Variants in RGP1 observed in about 807,000 individuals in gnomAD.
RGP1 encodes the protein RGP1 partner of RAB6A GEF complex.
Under a neutral mutation model 44.5 loss-of-function variants are expected in RGP1, and 28 were observed. The ratio of observed to expected loss-of-function variants is 0.63; its 90% CI spans 0.47 to 0.86. The LOEUF (loss-of-function observed/expected upper bound fraction) is 0.86. Among genes scored for constraint, RGP1 ranks in the 40% least tolerant of loss-of-function variants. The pLI, the probability that RGP1 is intolerant of heterozygous loss-of-function variation, is 0.00. For missense variants in RGP1, 417 were observed against 490.7 expected (o/e 0.85, Z 1.42); for synonymous variants, 212 against 196.7 (o/e 1.08, Z -0.65).
In RGP1 at chr9:35,750,342, C is replaced by A; in HGVS notation, c.216C>A (p.Val72=). 6.2e-7 allele frequency: 1 copy of A among 1,613,986 alleles called. No individual in the cohort carries two copies. The part of the protein sequence containing the change: ...LPPPDSSQPD[V]QPDSQTVFLP... ...CTCCTGACTCTAGTCAGCCAGATGT[C>A]CAGCCCGACAGCCAGACTGTCTTTC... The change falls in exon 3 of 9, where the codon GTC becomes GTA. Residue 72 remains valine, a synonymous_variant. Transcript: ENST00000378078.
At chr9:35,767,148 G>A in the RGP1 span, among the ~76,000 whole-genome samples, 4 of 152,108 alleles carry the variant, frequency 2.6e-5, no homozygotes, top group African/African-American at 9.7e-5. Flanking sequence ...GGCTGCATAC[G>A]GCCAACTATA....
chr9:35,761,902 C>G (rs1827420700), downstream of RGP1, among the ~76,000 whole-genome samples: 1 of 152,022 alleles, frequency 6.6e-6, no homozygotes, highest in Non-Finnish European at 1.5e-5. Context: ...ACCTGTAATC[C>G]CAGCACTTTG....
chr9:35,749,864 G>A lies in RGP1; in HGVS notation c.109G>A (p.Ala37Thr). 6.2e-7 allele frequency: 1 copy of A among 1,610,412 alleles called. No homozygotes were observed. Among genetic ancestry groups the A allele is most frequent in the East Asian group, 2.2e-5 (1 of 44,830 alleles). ...TNPLPPTATS[A>T]SSEALAWASA... ...CCCCCTTCCGCCCACGGCCACTTCT[G>A]CATCCAGGTGGGGATGCTGGCACTG... The change falls in exon 2 of 9, where the codon GCA (alanine) becomes ACA (threonine). Residue 37 changes from alanine (A) to threonine (T), a missense_variant. By Grantham distance (58) the Ala-to-Thr change is moderately conservative. Transcript: ENST00000378078. The surrounding 1 kb of genome is among the most constrained non-coding windows in gnomAD (Gnocchi z 4.4).
chr9:35,753,299 G>C lies in RGP1; in HGVS notation c.*425G>C, dbSNP rs1054891660. ...CTGGGACCTGGGGAACCAAGGATAG[G>C]GGAAGGAGTCAGCACAGTGAAAGGC... On this transcript the variant is annotated 3_prime_UTR_variant, in exon 9 of 9. Transcript: ENST00000378078. This position sits in a 1 kb window ranked among gnomAD's most constrained non-coding sequence, Gnocchi z 4.2. 1 of 1,610,838 alleles carries C rather than the reference G, an allele frequency of 6.2e-7. No homozygotes were observed. Among genetic ancestry groups the C allele is most frequent in the Admixed American group, 1.7e-5 (1 of 59,994 alleles).
Position 35,753,390 on chromosome 9 carries a change from G to T in RGP1, c.*516G>T. Reference sequence around the variant, plus strand: ...TCCCCCCACAGAGCCCCTTTCAGTGGCCCCTTGGTCCTCCTAACTAAGCTG... The same window carrying T: ...TCCCCCCACAGAGCCCCTTTCAGTGTCCCCTTGGTCCTCCTAACTAAGCTG... On this transcript the variant is annotated 3_prime_UTR_variant, in exon 9 of 9. Coordinates refer to ENST00000378078, the MANE Select transcript of RGP1 (RefSeq NM_001080496.3). This position sits in a 1 kb window ranked among gnomAD's most constrained non-coding sequence, Gnocchi z 4.2. The T allele has an allele frequency of 8.0e-7, 1 of 1,245,548 alleles. No individual in the cohort carries two copies. The highest frequency in any genetic ancestry group is 1.1e-6 in the Non-Finnish European group (1 of 901,522). The allele number at this position is 1,245,548 out of a possible 1,614,324, so 77.2% of individuals were successfully genotyped here.
At chr9:35,782,056 G>A in the RGP1 span, among the ~76,000 whole-genome samples, 5,700 of 142,592 alleles carry the variant, frequency 0.04, 220 homozygotes, top group African/African-American at 0.093. Flanking sequence ...GTGTGATCTC[G>A]GCTCACTGCA....
chr9:35,783,556 CAT>C, the RGP1 span, among the ~76,000 whole-genome samples: 4 of 151,900 alleles, frequency 2.6e-5, no homozygotes, highest in Admixed American at 6.6e-5. Flanking sequence ...TTAGATTCCA[CAT>C]ATGAGTGAGA....
In RGP1 at chr9:35,749,916, C is replaced by T. The variant is rs1307722671; in HGVS notation, c.116+45C>T. 2 of 1,418,650 alleles carry T rather than the reference C, an allele frequency of 1.4e-6. No individual in the cohort carries two copies. The highest frequency in any genetic ancestry group is 9.9e-7 in the Non-Finnish European group (1 of 1,009,672). The allele number at this position is 1,418,650 out of a possible 1,614,324, so 87.9% of individuals were successfully genotyped here. Reference sequence around the variant, plus strand: ...AGGTGGTGGCCCTTCTGGGAAGAAGCCAGATTATCTCTGGGGCTGAGGCAG... The same window carrying T: ...AGGTGGTGGCCCTTCTGGGAAGAAGTCAGATTATCTCTGGGGCTGAGGCAG... On this transcript the variant is annotated intron_variant, in intron 2 of 8. Coordinates refer to ENST00000378078, the MANE Select transcript of RGP1 (RefSeq NM_001080496.3). The surrounding 1 kb of genome is among the most constrained non-coding windows in gnomAD (Gnocchi z 4.4).
the RGP1 span, among the ~76,000 whole-genome samples, chr9:35,789,597 T>G: frequency 2.6e-5 from 4 of 152,194 alleles, no homozygotes; most frequent in African/African-American, 9.7e-5. Flanking sequence ...GTTTAATCCC[T>G]AACATAATGA....
chr9:35,772,631 A>C, the RGP1 span, among the ~76,000 whole-genome samples: 1 of 152,042 alleles, frequency 6.6e-6, no homozygotes, highest in Non-Finnish European at 1.5e-5. Context: ...ATCTCCTAAA[A>C]ATACAAAAAA....
the RGP1 span, among the ~76,000 whole-genome samples, chr9:35,777,366 T>G: frequency 1.3e-5 from 2 of 151,718 alleles, no homozygotes; most frequent in Non-Finnish European, 2.9e-5. Context: ...CCTGACCTCG[T>G]GATCCACCCT....
At chr9:35,777,170 C>T in the RGP1 span, among the ~76,000 whole-genome samples, 2 of 140,804 alleles carry the variant, frequency 1.4e-5, no homozygotes, top group Middle Eastern at 3.3e-3. Context: ...TGCTCTGTCA[C>T]CCAGGCTGGA....
chr9:35,767,123 G>T, the RGP1 span, among the ~76,000 whole-genome samples: 2 of 152,122 alleles, frequency 1.3e-5, no homozygotes, highest in African/African-American at 4.8e-5. Flanking sequence ...GATCTGCAGA[G>T]AAAAGGGAAT....
the RGP1 span, among the ~76,000 whole-genome samples, chr9:35,770,449 C>G: frequency 2.7e-5 from 4 of 147,298 alleles, no homozygotes; most frequent in Non-Finnish European, 5.9e-5. Flanking sequence ...ATTCTTGGCA[C>G]ATAGAAATTG....
chr9:35,759,127 A>G (rs1563975829), downstream of RGP1, among the ~76,000 whole-genome samples: 2 of 152,210 alleles, frequency 1.3e-5, no homozygotes, highest in Non-Finnish European at 2.9e-5. Flanking sequence ...TATCCACTTC[A>G]AACTCTCCCA....
At chr9:35,787,233 GC>G in the RGP1 span, among the ~76,000 whole-genome samples, 1 of 149,908 alleles carries the variant, frequency 6.7e-6, no homozygotes, top group Non-Finnish European at 1.5e-5. Context: ...GCCCACCGCT[GC>G]CCCCTTTTTT....
the RGP1 span, among the ~76,000 whole-genome samples, chr9:35,779,154 A>G: frequency 6.6e-6 from 1 of 152,150 alleles, no homozygotes; most frequent in Admixed American, 6.5e-5. Flanking sequence ...TAATAATTGG[A>G]TCAGAGCTCC....
chr9:35,750,126 C>T (rs1563972430), intron 2 of RGP1, 117 bp from the exon 3 acceptor site: 1 of 1,404,560 alleles, frequency 7.1e-7, no homozygotes, highest in African/African-American at 1.4e-5. Flanking sequence ...TTGTGGATTT[C>T]CTGATCACTA....
the RGP1 span, among the ~76,000 whole-genome samples, chr9:35,788,936 G>A: frequency 1.3e-5 from 2 of 152,090 alleles, no homozygotes; most frequent in African/African-American, 4.8e-5. Flanking sequence ...AACCTCATTA[G>A]GGGATTTATC....
Sources: allele counts gnomAD v4.1 joint callset (sites outside exome capture counted in the v4.1 genomes callset), GRCh38; gene constraint gnomAD v4.1.1; non-coding constraint Gnocchi (gnomAD v3.1); transcripts MANE v1.5; gene names NCBI Gene and HGNC (gene_info 2026-07-23, HGNC 2026-07-21).